Variants in GABRA4 observed in about 807,000 individuals in gnomAD.
GABRA4 encodes gamma-aminobutyric acid receptor subunit alpha-4.
A neutral mutation model predicts 49.7 loss-of-function variants in GABRA4; 12 were observed. That is an observed-to-expected ratio of 0.24 (90% CI 0.15 to 0.39). The LOEUF (loss-of-function observed/expected upper bound fraction) is 0.39, where lower values mean the gene tolerates loss of function less well. Among genes scored for constraint, GABRA4 ranks in the 10% least tolerant of loss-of-function variants. GABRA4 has a pLI of 1.00. For missense variants in GABRA4, 506 were observed against 686.0 expected, an observed-to-expected ratio of 0.74 and a Z score of 2.93; for synonymous variants, 288 against 240.2, an observed-to-expected ratio of 1.20 and a Z score of -1.84.
chr4:46,942,626 GAAA>G (rs752581585), intron 8 of GABRA4, among the ~76,000 whole-genome samples: 1 of 110,634 alleles, frequency 9.0e-6, no homozygotes, highest in Admixed American at 9.0e-5. Flanking sequence ...CTCTGTCTCA[GAAA>G]AAAAAAAAAA....
intron 8 of GABRA4, among the ~76,000 whole-genome samples, chr4:46,950,630 G>T (rs746588671): frequency 6.6e-6 from 1 of 151,570 alleles, no homozygotes; most frequent in Non-Finnish European, 1.5e-5. Context: ...CATGGAAGAA[G>T]CAGCATGTGA....
intron 8 of GABRA4, among the ~76,000 whole-genome samples, chr4:46,953,419 A>G (rs966334338): frequency 6.6e-6 from 1 of 152,156 alleles, no homozygotes; most frequent in African/African-American, 2.4e-5. Flanking sequence ...AATTTTTCCC[A>G]CTTTTAAAAC....
rs1035036193 is a variant in GABRA4, at chr4:46,922,375, C to T, written c.*5850G>A. The T allele has an allele frequency of 6.6e-6, 1 of 151,954 alleles. No homozygotes were observed. 9.4% of individuals were successfully genotyped at this position (151,954 alleles called of 1,614,324 possible). ...GCTTCTGTGGGCTGATCTGACTCAC[C>T]CTCCCACCACTTCCCACACTGTAGT... On this transcript the variant is annotated 3_prime_UTR_variant, in exon 9 of 9. Transcript: ENST00000264318.
At chr4:46,946,202 A>G (rs1721972259) in intron 8 of GABRA4, among the ~76,000 whole-genome samples, 2 of 152,144 alleles carry the variant, frequency 1.3e-5, no homozygotes, top group South Asian at 4.1e-4. Context: ...TTTAAGCTGC[A>G]TTTGTAGCAT....
chr4:46,972,036 A>T (rs769509239), intron 6 of GABRA4, among the ~76,000 whole-genome samples: 1 of 151,630 alleles, frequency 6.6e-6, no homozygotes, highest in Non-Finnish European at 1.5e-5. Context: ...TTCACAAACC[A>T]TGAGGCCAGC....
intron 2 of GABRA4, among the ~76,000 whole-genome samples, chr4:46,980,626 A>G (rs1405581165): frequency 6.6e-6 from 1 of 152,094 alleles, no homozygotes; most frequent in East Asian, 1.9e-4. Context: ...TAATGTTTTC[A>G]AGACTACATC....
In GABRA4 at chr4:46,926,812, G is replaced by GA. The variant is rs1158914617; in HGVS notation, c.*1412dup. On this transcript the variant is annotated 3_prime_UTR_variant, in exon 9 of 9. Coordinates refer to ENST00000264318, the MANE Select transcript of GABRA4 (RefSeq NM_000809.4). ...CCTAATGAGAAAGAAGTCAGTAGATGAAAACCCTGATAAATCACATAGCAG... is the reference window on the plus strand; with the variant it reads ...CCTAATGAGAAAGAAGTCAGTAGATGAAAAACCCTGATAAATCACATAGCAG... 2.0e-5 allele frequency: 3 copies of GA among 151,938 alleles called. No homozygotes were observed. Among genetic ancestry groups the GA allele is most frequent in the Admixed American group, 2.0e-4 (3 of 15,220 alleles). 9.4% of individuals were successfully genotyped at this position (151,938 alleles called of 1,614,324 possible).
rs1247052982 is a variant in GABRA4 at position 46,923,470 on chromosome 4, A to G, written c.*4755T>C. The G allele has an allele frequency of 6.6e-6, 1 of 152,146 alleles. No homozygotes were observed. 9.4% of individuals were successfully genotyped at this position (152,146 alleles called of 1,614,324 possible). A position where few individuals can be genotyped will look rare whatever the true frequency, so the allele number is the denominator to read the frequency against. On this transcript the variant is annotated 3_prime_UTR_variant, in exon 9 of 9. Transcript: ENST00000264318. Reference sequence around the variant, plus strand: ...AGACAAACATATCCAAATACAAAATATTTCTGATTTCTGGGTGGTAGAATT... The same window carrying G: ...AGACAAACATATCCAAATACAAAATGTTTCTGATTTCTGGGTGGTAGAATT...
At chr4:46,959,834 ATGTG>A (rs1553904345) in intron 8 of GABRA4, among the ~76,000 whole-genome samples, 12 of 140,280 alleles carry the variant, frequency 8.6e-5, no homozygotes, top group South Asian at 6.6e-4. Context: ...ATATATATAT[ATGTG>A]TGTGTGTGTG....
intron 8 of GABRA4, among the ~76,000 whole-genome samples, chr4:46,948,411 G>C (rs188925771): frequency 6.6e-6 from 1 of 152,208 alleles, no homozygotes; most frequent in Non-Finnish European, 1.5e-5. Flanking sequence ...ATTCAAACTA[G>C]GGAAGAATAT....
At chr4:46,968,709 T>C (rs1265091568) in intron 7 of GABRA4, among the ~76,000 whole-genome samples, 1 of 151,686 alleles carries the variant, frequency 6.6e-6, no homozygotes, top group East Asian at 1.9e-4. Context: ...TCTTAAAATA[T>C]CTTGTTTGGA....
intron 2 of GABRA4, among the ~76,000 whole-genome samples, chr4:46,991,134 C>T (rs573792480): frequency 6.6e-5 from 10 of 152,038 alleles, no homozygotes; most frequent in Admixed American, 6.5e-5. Flanking sequence ...TGCAGTGAGC[C>T]GAGATCACGC....
chr4:46,985,629 A>G (rs1723506628), intron 2 of GABRA4, among the ~76,000 whole-genome samples: 1 of 152,048 alleles, frequency 6.6e-6, no homozygotes, highest in Admixed American at 6.6e-5. Context: ...AAGAAATCTA[A>G]CAACTCAGTG....
At chr4:46,933,674 C>T (rs1160179951) in intron 8 of GABRA4, among the ~76,000 whole-genome samples, 3 of 152,108 alleles carry the variant, frequency 2.0e-5, no homozygotes, top group Non-Finnish European at 2.9e-5. Flanking sequence ...AGAATATTCA[C>T]CCAGCTTTCA....
intron 2 of GABRA4, among the ~76,000 whole-genome samples, chr4:46,980,561 C>T (rs1281184998): frequency 1.3e-5 from 2 of 151,916 alleles, no homozygotes; most frequent in South Asian, 2.1e-4. Context: ...AAAATAGAGC[C>T]TTAGGCAGTA....
At chr4:46,988,617 A>G (rs916351949) in intron 2 of GABRA4, among the ~76,000 whole-genome samples, 1 of 152,232 alleles carries the variant, frequency 6.6e-6, no homozygotes, top group African/African-American at 2.4e-5. Flanking sequence ...AACTTAACCC[A>G]AATGCATACA....
chr4:46,930,605 T>C (rs1292657916), intron 8 of GABRA4, among the ~76,000 whole-genome samples: 1 of 151,112 alleles, frequency 6.6e-6, no homozygotes, highest in African/African-American at 2.4e-5. Flanking sequence ...GAGAGTAAAA[T>C]GATAAATTGG....
chr4:46,946,124 G>C (rs1721969639), intron 8 of GABRA4, among the ~76,000 whole-genome samples: 1 of 152,128 alleles, frequency 6.6e-6, no homozygotes, highest in African/African-American at 2.4e-5. Context: ...AGACTGATGT[G>C]ATGCTTTAAT....
chr4:46,953,336 A>T (rs1722237183), intron 8 of GABRA4, among the ~76,000 whole-genome samples: 1 of 151,990 alleles, frequency 6.6e-6, no homozygotes, highest in Non-Finnish European at 1.5e-5. Flanking sequence ...GTTCCTCTGG[A>T]TTATTTATAT....
Sources: gnomAD v4.1 joint callset for allele counts (sites outside exome capture counted in the v4.1 genomes callset) on GRCh38, gnomAD v4.1.1 for gene constraint, MANE v1.5 for transcripts, NCBI Gene and HGNC (gene_info 2026-07-23, HGNC 2026-07-21) for gene names.